UROS: variants seen among roughly 807,000 people sequenced by gnomAD.
UROS encodes the protein uroporphyrinogen III synthase.
In UROS, 18 loss-of-function variants were observed where a neutral mutation model predicts 33.0. That is an observed-to-expected ratio of 0.55 (90% CI 0.38 to 0.81). The LOEUF is 0.81. Ranked by LOEUF, UROS falls within the 30% of genes least tolerant of loss-of-function variation. UROS has a pLI of 0.00. For missense variants in UROS, 293 were observed against 314.9 expected, an observed-to-expected ratio of 0.93 and a Z score of 0.53; for synonymous variants, 114 against 121.1, an observed-to-expected ratio of 0.94 and a Z score of 0.38.
At chr10:125,791,464 A>C (rs1189595267) in intron 9 of UROS, 1 of 152,212 alleles carries the variant, frequency 6.6e-6, no homozygotes, top group Non-Finnish European at 1.5e-5. Flanking sequence ...AGATCTAGTA[A>C]ATCTACTCCT....
In UROS at chr10:125,816,186, G is replaced by C; in HGVS notation, c.138C>G (p.Phe46Leu). Residue 46 changes from phenylalanine (F) to leucine (L), a missense_variant, in exon 3 of 10, where the codon TTC becomes TTG. Transcript: ENST00000368797. Reference protein sequence around the residue: ...LSFEFLSLPSFSEKLSHPEDY... With the variant: ...LSFEFLSLPSLSEKLSHPEDY... ...TCACAACAGGCCTTACCTTCTCAGA[G>C]AAACTGGGAAGAGACAAAAACTCAA... The C allele has an allele frequency of 6.2e-7, 1 of 1,614,092 alleles. No homozygotes were observed. The highest frequency in any genetic ancestry group is 1.1e-5 in the South Asian group (1 of 91,080).
At chr10:125,802,937 C>A (rs1851964806) in intron 6 of UROS, 1 of 1,612,316 alleles carries the variant, frequency 6.2e-7, no homozygotes, top group Admixed American at 1.7e-5. Context: ...TGCGGCTAAA[C>A]CCCAGATATT....
chr10:125,796,517 T>C (rs1423517747), intron 7 of UROS, among the ~76,000 whole-genome samples: 1 of 152,248 alleles, frequency 6.6e-6, no homozygotes, highest in East Asian at 1.9e-4. Flanking sequence ...CCCTAGTCAC[T>C]CCATGGATCC....
chr10:125,797,705 G>A (rs941871466), intron 7 of UROS, among the ~76,000 whole-genome samples: 1 of 152,220 alleles, frequency 6.6e-6, no homozygotes, highest in African/African-American at 2.4e-5. Flanking sequence ...TATAAGATCG[G>A]CTACATTTGT....
chr10:125,814,427 A>C lies in UROS; in HGVS notation c.244+607T>G, dbSNP rs146703509. Among the ~76,000 whole-genome samples the C allele has an allele frequency of 1.9e-3, 290 of 152,336 alleles. 2 individuals are homozygous for C. The highest frequency in any genetic ancestry group is 6.6e-3 in the African/African-American group (273 of 41,578). On this transcript the variant is annotated intron_variant, in intron 4 of 9. Transcript: ENST00000368797. Reference sequence around the variant, plus strand: ...TTTTCTCAATGGTAACATAAGACATAAGATCATAGCAATGTGTGCCTCTGG... The same window carrying C: ...TTTTCTCAATGGTAACATAAGACATCAGATCATAGCAATGTGTGCCTCTGG...
At chr10:125,803,150 A>G in intron 6 of UROS, 1 of 1,329,320 alleles carries the variant, frequency 7.5e-7, no homozygotes, top group South Asian at 1.3e-5. Context: ...GCCTACCACT[A>G]TTAGCTCTGT....
intron 6 of UROS, among the ~76,000 whole-genome samples, chr10:125,804,683 T>A (rs552295118): frequency 4.1e-4 from 62 of 152,300 alleles, no homozygotes; most frequent in African/African-American, 1.3e-3. Flanking sequence ...ATCTGGAGCA[T>A]TGGAGAATTG....
chr10:125,813,004 G>C (rs565967147), intron 4 of UROS, among the ~76,000 whole-genome samples: 94 of 152,228 alleles, frequency 6.2e-4, no homozygotes, highest in African/African-American at 2.2e-3. Context: ...TTAAATTCAA[G>C]AGCATTCCTC....
At chr10:125,795,974 G>T in intron 8 of UROS, 129 bp downstream of exon 8, 3 of 834,016 alleles carry the variant, frequency 3.6e-6, no homozygotes, top group Non-Finnish European at 6.3e-6. Context: ...GACAGGAAAA[G>T]GCATGCAGGT....
intron 1 of UROS, among the ~76,000 whole-genome samples, chr10:125,818,355 T>G (rs906274842): frequency 2.0e-5 from 3 of 152,042 alleles, no homozygotes; most frequent in African/African-American, 7.2e-5. Context: ...GAGCCGGGCA[T>G]AGTGGCGCAT....
chr10:125,816,881 A>G (rs1015564130), intron 1 of UROS, among the ~76,000 whole-genome samples: 1 of 152,236 alleles, frequency 6.6e-6, no homozygotes, highest in Admixed American at 6.5e-5. Context: ...AAGGAGATAA[A>G]TAGCTTTTCC....
At chr10:125,789,891 G>T (rs1850795640) in intron 9 of UROS, among the ~76,000 whole-genome samples, 1 of 152,178 alleles carries the variant, frequency 6.6e-6, no homozygotes, top group Non-Finnish European at 1.5e-5. Context: ...GCTAGTGTGG[G>T]GGTTAAATGA....
intron 6 of UROS, among the ~76,000 whole-genome samples, chr10:125,799,872 A>G (rs1465637722): frequency 6.6e-6 from 1 of 152,218 alleles, no homozygotes. Context: ...TCAAAAAGCC[A>G]AAGACAAAGG....
chr10:125,801,861 C>T (rs1589956813), intron 6 of UROS, among the ~76,000 whole-genome samples: 1 of 152,150 alleles, frequency 6.6e-6, no homozygotes, highest in African/African-American at 2.4e-5. Flanking sequence ...GCAGGGACAC[C>T]AGCCTGATGG....
At chr10:125,820,845 T>A (rs1199145377) in intron 1 of UROS, among the ~76,000 whole-genome samples, 1 of 152,222 alleles carries the variant, frequency 6.6e-6, no homozygotes, top group Non-Finnish European at 1.5e-5. Flanking sequence ...TTAAGATAAA[T>A]TCTGAGCTAA....
chr10:125,802,240 A>C lies in UROS; in HGVS notation c.395-4095T>G, dbSNP rs183018175. ...ACCCTCCACACTGATGTGTGGCTCCATGACCTGAGGAGCGATCCCATGGGG... is the reference window on the plus strand; with the variant it reads ...ACCCTCCACACTGATGTGTGGCTCCCTGACCTGAGGAGCGATCCCATGGGG... On this transcript the variant is annotated intron_variant, in intron 6 of 9. Coordinates refer to ENST00000368797, the MANE Select transcript of UROS (RefSeq NM_000375.3). The C allele has an allele frequency of 2.3e-4, 229 of 985,570 alleles. 1 individual carries two copies. The East Asian group carries it at 0.02, about 87-fold the overall frequency. 61.1% of individuals were successfully genotyped at this position (985,570 alleles called of 1,614,324 possible). A position where few individuals can be genotyped will look rare whatever the true frequency, so the allele number is the denominator to read the frequency against.
At chr10:125,799,418 T>C (rs1851627276) in intron 6 of UROS, among the ~76,000 whole-genome samples, 1 of 152,174 alleles carries the variant, frequency 6.6e-6, no homozygotes, top group Non-Finnish European at 1.5e-5. Context: ...TGTTGGGGAA[T>C]GCAGGGTGGA....
At chr10:125,822,220 G>A (rs1157577727) in intron 1 of UROS, among the ~76,000 whole-genome samples, 1 of 152,164 alleles carries the variant, frequency 6.6e-6, no homozygotes, top group Admixed American at 6.5e-5. Context: ...ACCTGCCACA[G>A]GGGCTGGCGC....
At chr10:125,818,308 C>T (rs371031543) in intron 1 of UROS, among the ~76,000 whole-genome samples, 1 of 151,984 alleles carries the variant, frequency 6.6e-6, no homozygotes, top group Non-Finnish European at 1.5e-5. Context: ...CATAGCGAGA[C>T]CCCATTTCTA....
Sources: gnomAD v4.1 joint callset for allele counts (sites outside exome capture counted in the v4.1 genomes callset) on GRCh38, gnomAD v4.1.1 for gene constraint, MANE v1.5 for transcripts, NCBI Gene and HGNC (gene_info 2026-07-23, HGNC 2026-07-21) for gene names.